EIF3I: variants seen among roughly 807,000 people sequenced by gnomAD.
The protein encoded by EIF3I is TGF-beta receptor-interacting protein 1.
In EIF3I, 20 loss-of-function variants were observed where a neutral mutation model predicts 43.3. The ratio of observed to expected loss-of-function variants is 0.46; its 90% CI spans 0.32 to 0.67. EIF3I has a LOEUF of 0.67. Ranked by LOEUF, EIF3I falls within the 30% of genes least tolerant of loss-of-function variation. The pLI, the probability that EIF3I is intolerant of heterozygous loss-of-function variation, is 0.03. For missense variants in EIF3I, 279 were observed against 421.4 expected, an observed-to-expected ratio of 0.66 and a Z score of 2.96; for synonymous variants, 167 against 151.7, an observed-to-expected ratio of 1.10 and a Z score of -0.74.
rs929847494 is a variant in EIF3I, at chr1:32,225,626, A to G, written c.251-545A>G. On this transcript the variant is annotated intron_variant, in intron 4 of 11. Transcript: ENST00000676679. ...CATGGTGGTGGGCACCTGTAATCCC[A>G]TCGACTCAGGAGGCTGAGGCAGAAG... is the stretch of plus-strand genomic sequence containing the variant. Among the ~76,000 whole-genome samples the G allele has an allele frequency of 5.3e-5, 8 of 151,904 alleles. 1 individual carries two copies. The highest frequency in any genetic ancestry group is 8.8e-5 in the Non-Finnish European group (6 of 67,990).
At chr1:32,223,754 A>C (rs1639084496) in intron 2 of EIF3I, among the ~76,000 whole-genome samples, 1 of 152,214 alleles carries the variant, frequency 6.6e-6, no homozygotes, top group Non-Finnish European at 1.5e-5. Context: ...CTGGAGCTCA[A>C]CTTGGCCTTT....
downstream of EIF3I, chr1:32,235,334 GT>G (rs371167862): frequency 0.013 from 1,853 of 144,326 alleles, 17 homozygotes; most frequent in Middle Eastern, 0.047. Context: ...CCATGAAATG[GT>G]TTTTTTTTTT....
At chr1:32,231,491 CAA>C (rs372584031), downstream of EIF3I, 205 of 183,596 alleles carry the variant, frequency 1.1e-3, no homozygotes, top group South Asian at 2.4e-3. Flanking sequence ...AACTCCGTCT[CAA>C]AAAAAAAAAA....
At chr1:32,227,409 C>G (rs1639165181) in intron 6 of EIF3I, among the ~76,000 whole-genome samples, 2 of 151,552 alleles carry the variant, frequency 1.3e-5, no homozygotes, top group Admixed American at 1.3e-4. Context: ...CCCTGTTTAT[C>G]TGTAAAATGT....
chr1:32,230,162 C>T (rs989176765), intron 9 of EIF3I, among the ~76,000 whole-genome samples: 1 of 151,852 alleles, frequency 6.6e-6, no homozygotes, highest in Non-Finnish European at 1.5e-5. Context: ...GCTGGGATTA[C>T]AGGCGTGAAC....
downstream of EIF3I, among the ~76,000 whole-genome samples, chr1:32,232,553 G>A (rs1055489166): frequency 6.6e-6 from 1 of 152,234 alleles, no homozygotes; most frequent in African/African-American, 2.4e-5. Flanking sequence ...AAGAAGGCGG[G>A]AAAGGGCCCA....
chr1:32,224,408 A>G lies in EIF3I; in HGVS notation c.185-2A>G. The G allele has an allele frequency of 1.2e-6, 2 of 1,613,206 alleles. No individual in the cohort carries two copies. The highest frequency in any genetic ancestry group is 1.7e-6 in the Non-Finnish European group (2 of 1,179,300). Reference sequence around the variant, plus strand: ...TCGTCATATTTCTTAACAACTCTTCAGGGGACACCAAGCATGTCCTCACTG... The same window carrying G: ...TCGTCATATTTCTTAACAACTCTTCGGGGGACACCAAGCATGTCCTCACTG... On this transcript the variant is annotated splice_acceptor_variant, in intron 3 of 11. Coordinates refer to ENST00000676679, the Ensembl canonical transcript of EIF3I. LOFTEE classifies it high-confidence loss of function.
rs373073695 is a variant in EIF3I at position 32,226,567 on chromosome 1, ATTTTT to A, written c.528+50_528+54del. ...CATGGGGCCTGAGCCTACCAGAATA[ATTTTT>A]TTTTTTTTTTTTAAGATAGAGTCTC... On this transcript the variant is annotated intron_variant, in intron 6 of 11. Transcript: ENST00000676679. 10 of 1,295,062 alleles carry A rather than the reference ATTTTT, an allele frequency of 7.7e-6. No homozygotes were observed. The African/African-American group carries it at 9.5e-5, about 12-fold the overall frequency. The allele number at this position is 1,295,062 out of a possible 1,614,324, so 80.2% of individuals were successfully genotyped here.
intron 6 of EIF3I, among the ~76,000 whole-genome samples, chr1:32,227,712 C>A (rs561302696): frequency 1.2e-4 from 19 of 152,190 alleles, no homozygotes; most frequent in Middle Eastern, 3.4e-3. Context: ...GAGATTGAGG[C>A]TGCAGTGAGC....
downstream of EIF3I, chr1:32,231,361 C>T: frequency 3.4e-6 from 2 of 582,942 alleles, no homozygotes; most frequent in South Asian, 1.9e-5. Context: ...CATGGTGGCA[C>T]ACGCCTATAG....
exon 8 of EIF3I, chr1:32,228,756 G>T: frequency 6.2e-7 from 1 of 1,614,144 alleles, no homozygotes; most frequent in Non-Finnish European, 8.5e-7. Flanking sequence ...TTGAACATCA[G>T]AAGACTTTCC....
At chr1:32,225,981 C>A (rs1639140000) in intron 4 of EIF3I, among the ~76,000 whole-genome samples, 190 bp from the exon 5 acceptor site, 1 of 151,844 alleles carries the variant, frequency 6.6e-6, no homozygotes, top group Admixed American at 6.6e-5. Context: ...CGAGATTGCA[C>A]CACTGCACTC....
chr1:32,229,302 C>T lies in EIF3I; in HGVS notation c.803+94C>T, dbSNP rs1639196400. 18 of 1,364,902 alleles carry T rather than the reference C, an allele frequency of 1.3e-5. No homozygotes were observed. In the South Asian group the frequency reaches 2.4e-4, roughly 18 times the overall value. 84.5% of individuals were successfully genotyped at this position (1,364,902 alleles called of 1,614,324 possible). ...TTGAGATGGAGTCTCGCTCTGTCGC[C>T]TAGGCTGGAGCGCAGTGGCGTGATC... On this transcript the variant is annotated intron_variant, in intron 9 of 11. Transcript: ENST00000676679.
chr1:32,229,698 C>G (rs2124267804), intron 9 of EIF3I, among the ~76,000 whole-genome samples: 1 of 151,902 alleles, frequency 6.6e-6, no homozygotes, highest in African/African-American at 2.4e-5. Flanking sequence ...TTACAGGCAC[C>G]CATGACCACG....
downstream of EIF3I, among the ~76,000 whole-genome samples, chr1:32,232,486 A>C (rs1474480848): frequency 6.6e-6 from 1 of 152,232 alleles, no homozygotes; most frequent in Non-Finnish European, 1.5e-5. Context: ...CAACAGACCT[A>C]GCATACCCAC....
At chr1:32,226,195 C>T in exon 5 of EIF3I, 1 of 1,614,126 alleles carries the variant, frequency 6.2e-7, no homozygotes. Flanking sequence ...CTTCTCAAGA[C>T]CAATTCGGCT....
At chr1:32,225,750 C>A (rs562596182) in intron 4 of EIF3I, among the ~76,000 whole-genome samples, 3 of 143,802 alleles carry the variant, frequency 2.1e-5, no homozygotes, top group African/African-American at 7.8e-5. Context: ...AGGCCGGGCG[C>A]GGTGGCTCAC....
At chr1:32,227,928 A>G (rs182224881) in intron 6 of EIF3I, among the ~76,000 whole-genome samples, 1 of 152,370 alleles carries the variant, frequency 6.6e-6, no homozygotes, top group East Asian at 1.9e-4. Flanking sequence ...GCAAACAGCT[A>G]GCACCTGAGT....
rs115530683 is a variant in EIF3I at position 32,223,973 on chromosome 1, C to T, written c.97-61C>T. ...TACAGGCTGCTGAGGGTTCCTGGGG[C>T]AAAATAGGAAGCCATTGCTCTTACT... is the stretch of plus-strand genomic sequence containing the variant. On this transcript the variant is annotated intron_variant, in intron 2 of 11. Coordinates refer to ENST00000676679, the Ensembl canonical transcript of EIF3I. 1.6e-3 allele frequency: 2,436 copies of T among 1,530,492 alleles called. 38 individuals carry two copies. In the African/African-American group the frequency reaches 0.028, roughly 18 times the overall value. The allele number at this position is 1,530,492 out of a possible 1,614,324, so 94.8% of individuals were successfully genotyped here.
Sources: gnomAD v4.1 joint callset for allele counts (sites outside exome capture counted in the v4.1 genomes callset) on GRCh38, gnomAD v4.1.1 for gene constraint, MANE v1.5 for transcripts, NCBI Gene and HGNC (gene_info 2026-07-23, HGNC 2026-07-21) for gene names.